USP30: variants seen among roughly 807,000 people sequenced by gnomAD.
The protein encoded by USP30 is ubiquitin specific peptidase 30, also known as ubiquitin carboxyl-terminal hydrolase 30.
Under a neutral mutation model 68.2 loss-of-function variants are expected in USP30, and 41 were observed. The ratio of observed to expected loss-of-function variants is 0.60; its 90% CI spans 0.47 to 0.78. USP30 has a LOEUF of 0.78. USP30 is among the 30% of genes least tolerant of loss of function. USP30 has a pLI of 0.00. For synonymous variants in USP30, 229 were observed against 253.7 expected (o/e 0.90, Z 0.93); for missense variants, 522 against 649.4 (o/e 0.80, Z 2.13).
At chr12:109,053,939 A>G in intron 1 of USP30, 3 of 454,156 alleles carry the variant, frequency 6.6e-6, no homozygotes, top group South Asian at 3.1e-5. Flanking sequence ...ATTCAGAGCC[A>G]TGTTCCTTCA....
intron 3 of USP30, among the ~76,000 whole-genome samples, chr12:109,043,463 A>G (rs191776641): frequency 1.2e-4 from 19 of 152,354 alleles, no homozygotes; most frequent in Non-Finnish European, 2.5e-4. Context: ...AAGAGTACCA[A>G]TACGATTGAA....
chr12:109,063,598 T>TAA lies in USP30; in HGVS notation c.377-3926_377-3925insAA, dbSNP rs1211704713. On this transcript the variant is annotated intron_variant, in intron 3 of 12. Transcript: ENST00000257548. Reference sequence around the variant, plus strand: ...ATTGCTGGATCAAATGGTAATTCTGTTTAATTTTTTGAGGAGCTGCTGTGC... The same window carrying TAA: ...ATTGCTGGATCAAATGGTAATTCTGTAATTAATTTTTTGAGGAGCTGCTGTGC... 1.9e-3 allele frequency among the ~76,000 whole-genome samples: 286 copies of TAA among 152,342 alleles called. 1 individual carries two copies. The highest frequency in any genetic ancestry group is 0.01 in the Middle Eastern group (3 of 294).
rs146189359 is a variant in USP30 at position 109,077,618 on chromosome 12, A to C, written c.721-3716A>C. Reference sequence around the variant, plus strand: ...ACTAGCTTGACAATCTTTTAGTTGGAATGCTTAGTCCATTTACATTTAATG... The same window carrying C: ...ACTAGCTTGACAATCTTTTAGTTGGCATGCTTAGTCCATTTACATTTAATG... On this transcript the variant is annotated intron_variant, in intron 7 of 12. Coordinates refer to ENST00000257548, the MANE Select transcript of USP30 (RefSeq NM_032663.5). Among the ~76,000 whole-genome samples the C allele has an allele frequency of 2.2e-4, 34 of 152,238 alleles. No individual in the cohort carries two copies. The East Asian group carries it at 6.2e-3, about 28-fold the overall frequency.
chr12:109,057,326 G>A lies in USP30; in HGVS notation c.193+535G>A, dbSNP rs150521904. 4.1e-3 allele frequency among the ~76,000 whole-genome samples: 619 copies of A among 152,156 alleles called. 6 individuals are homozygous for A. Among genetic ancestry groups the A allele is most frequent in the African/African-American group, 0.015 (603 of 41,506 alleles). ...AAATCTGGGGACAGTTATAATTGAG[G>A]TTTATTTTACATTCTCCCTCCTTTT... On this transcript the variant is annotated intron_variant, in intron 2 of 12. Transcript: ENST00000257548.
chr12:109,067,463 G>A, intron 3 of USP30, 61 bp from the exon 4 acceptor site: 1 of 1,469,780 alleles, frequency 6.8e-7, no homozygotes, highest in Non-Finnish European at 9.5e-7. Flanking sequence ...TACTGTGCAA[G>A]TTTTCTGGTT....
chr12:109,086,118 G>T lies in USP30; in HGVS notation c.*187G>T. On this transcript the variant is annotated 3_prime_UTR_variant, in exon 13 of 13. Transcript: ENST00000257548. ...CAAACCAGGCTCCCTGAACAGTCCTGTTCATGTGTGTAGGTGGTTCTGTTG... is the reference window on the plus strand; with the variant it reads ...CAAACCAGGCTCCCTGAACAGTCCTTTTCATGTGTGTAGGTGGTTCTGTTG... The T allele has an allele frequency of 2.7e-6, 2 of 741,222 alleles. No individual in the cohort carries two copies. The highest frequency in any genetic ancestry group is 4.3e-6 in the Non-Finnish European group (2 of 468,918). 45.9% of individuals were successfully genotyped at this position (741,222 alleles called of 1,614,324 possible).
chr12:109,080,187 C>G (rs1180667255), intron 7 of USP30, among the ~76,000 whole-genome samples: 1 of 152,156 alleles, frequency 6.6e-6, no homozygotes, highest in Non-Finnish European at 1.5e-5. Context: ...GGCTCATCCC[C>G]TCTGTGTCTC....
At chr12:109,041,645 A>G (rs999138557) in intron 3 of USP30, among the ~76,000 whole-genome samples, 1 of 152,068 alleles carries the variant, frequency 6.6e-6, no homozygotes, top group Non-Finnish European at 1.5e-5. Context: ...AAAAAAAAAA[A>G]GAAAAAAGAA....
intron 11 of USP30, among the ~76,000 whole-genome samples, chr12:109,083,757 T>C (rs1178205334): frequency 6.6e-6 from 1 of 152,136 alleles, no homozygotes; most frequent in Non-Finnish European, 1.5e-5. Context: ...ACTCACCACC[T>C]GTCTGCTGCC....
At chr12:109,047,226 A>G (rs1298155621) in intron 3 of USP30, among the ~76,000 whole-genome samples, 1 of 151,996 alleles carries the variant, frequency 6.6e-6, no homozygotes, top group Non-Finnish European at 1.5e-5. Context: ...TTATTCACCT[A>G]AGAGACGATG....
In USP30 at chr12:109,056,734, G is replaced by T; in HGVS notation, c.136G>T (p.Ala46Ser). 1 of 1,612,942 alleles carries T rather than the reference G, an allele frequency of 6.2e-7. No individual in the cohort carries two copies. Among genetic ancestry groups the T allele is most frequent in the Non-Finnish European group, 8.5e-7 (1 of 1,179,720 alleles). ...TATAGGTGGAATTGCTGCTGCTCTT[G>T]CAGCAGGAATATATGTTATTTGGGG... ...GVIGGIAAAL[A>S]AGIYVIWGPI... The change falls in exon 2 of 13, where the codon GCA becomes TCA. Residue 46 changes from alanine (A) to serine (S), a missense_variant. Ala to Ser is a moderately conservative substitution (Grantham distance 99). Coordinates refer to ENST00000257548, the MANE Select transcript of USP30 (RefSeq NM_032663.5).
In USP30 at chr12:109,078,623, C is replaced by A. The variant is rs2041689121; in HGVS notation, c.721-2711C>A. Among the ~76,000 whole-genome samples the A allele has an allele frequency of 3.3e-5, 5 of 151,640 alleles. 1 individual carries two copies. The highest frequency in any genetic ancestry group is 7.4e-5 in the Non-Finnish European group (5 of 67,934). ...CAAAAAAAAAAAAAAGAGTTGCCTT[C>A]TCTTCTACTAATTAATTAATAGAAA... On this transcript the variant is annotated intron_variant, in intron 7 of 12. Transcript: ENST00000257548.
At chr12:109,068,537 A>G (rs769652200) in intron 4 of USP30, among the ~76,000 whole-genome samples, 1 of 152,204 alleles carries the variant, frequency 6.6e-6, no homozygotes, top group East Asian at 1.9e-4. Flanking sequence ...TATCTCAGTT[A>G]ATCCAATTGT....
chr12:109,031,505 C>T (rs2040480783), intron 3 of USP30, among the ~76,000 whole-genome samples: 1 of 152,072 alleles, frequency 6.6e-6, no homozygotes, highest in African/African-American at 2.4e-5. Context: ...TAGGTATATA[C>T]AAAAAGAATT....
chr12:109,062,454 C>A (rs2041103044), intron 3 of USP30, among the ~76,000 whole-genome samples: 1 of 151,518 alleles, frequency 6.6e-6, no homozygotes, highest in Non-Finnish European at 1.5e-5. Flanking sequence ...CCTGCCTCAG[C>A]CCCCCGAGTA....
intron 11 of USP30, among the ~76,000 whole-genome samples, chr12:109,083,770 C>A (rs1262960719): frequency 6.6e-6 from 1 of 152,156 alleles, no homozygotes; most frequent in Non-Finnish European, 1.5e-5. Context: ...CTGCTGCCCC[C>A]AGTTAGGTCA....
upstream of USP30, among the ~76,000 whole-genome samples, chr12:109,048,137 G>A (rs1269039698): frequency 6.7e-6 from 1 of 150,166 alleles, no homozygotes; most frequent in Non-Finnish European, 1.5e-5. Flanking sequence ...GTGTGGTGGA[G>A]TGCAGTGGCA....
intron 1 of USP30, among the ~76,000 whole-genome samples, chr12:109,055,194 C>T (rs1401761392): frequency 1.3e-5 from 2 of 151,056 alleles, no homozygotes; most frequent in Non-Finnish European, 2.9e-5. Context: ...GCATAACCAG[C>T]GTTCAAGTCA....
chr12:109,082,922 T>G lies in USP30; in HGVS notation c.1028T>G (p.Val343Gly). ...ACGCCTCTGAAGCGGCATGAGCACG[T>G]GCAGTTCAATGAGTTCCTGATGATG... ...HGTPLKRHEH[V>G]QFNEFLMMDI... Residue 343 changes from valine to glycine, a missense_variant, in exon 11 of 13, where the codon GTG becomes GGG. Physicochemically the swap from Val to Gly is moderately radical, Grantham distance 109. Coordinates refer to ENST00000257548, the MANE Select transcript of USP30 (RefSeq NM_032663.5). The G allele has an allele frequency of 6.2e-7, 1 of 1,614,220 alleles. No individual in the cohort carries two copies. The highest frequency in any genetic ancestry group is 1.1e-5 in the South Asian group (1 of 91,086).
Sources: gnomAD v4.1 joint callset for allele counts (sites outside exome capture counted in the v4.1 genomes callset) on GRCh38, gnomAD v4.1.1 for gene constraint, MANE v1.5 for transcripts, NCBI Gene and HGNC (gene_info 2026-07-23, HGNC 2026-07-21) for gene names.